The following IQGAP1 variants were observed in gnomAD, a reference collection of about 807,000 sequenced individuals.
The protein encoded by IQGAP1 is IQ motif containing GTPase activating protein 1, also known as ras GTPase-activating-like protein IQGAP1.
Under a neutral mutation model 215.6 loss-of-function variants are expected in IQGAP1, and 66 were observed. The observed-to-expected ratio is 0.31, with a 90% CI of 0.25 to 0.38. The LOEUF (loss-of-function observed/expected upper bound fraction) is 0.38, where lower values mean the gene tolerates loss of function less well. IQGAP1 is among the 10% of genes least tolerant of loss of function. The probability of loss-of-function intolerance (pLI) is 1.00; values close to 1 mark genes in which losing one functional copy is unlikely to be tolerated. For synonymous variants in IQGAP1, 772 were observed against 728.7 expected (o/e 1.06, Z -0.96); for missense variants, 1,712 against 1,997.1 (o/e 0.86, Z 2.72).
chr15:90,487,097 T>G lies in IQGAP1; in HGVS notation c.4160+8T>G. 4 of 1,613,770 alleles carry G rather than the reference T, an allele frequency of 2.5e-6. No homozygotes were observed. Among genetic ancestry groups the G allele is most frequent in the Non-Finnish European group, 3.4e-6 (4 of 1,179,840 alleles). ...TCGAACCATCTTACTGAAGTGAGTA[T>G]CAAAAGAAGGAAGAATGAAATGAAT... On this transcript the variant is annotated splice_region_variant and intron_variant, in intron 32 of 37. Transcript: ENST00000268182.
intron 11 of IQGAP1, among the ~76,000 whole-genome samples, chr15:90,451,243 G>T (rs1248550883): frequency 6.6e-6 from 1 of 152,040 alleles, no homozygotes; most frequent in African/African-American, 2.4e-5. Flanking sequence ...CCCATTTTAC[G>T]TGGCTATAAA....
chr15:90,486,288 A>T (rs559570839), intron 31 of IQGAP1, 156 bp downstream of exon 31: 9 of 550,148 alleles, frequency 1.6e-5, no homozygotes, highest in African/African-American at 1.5e-4. Flanking sequence ...GAGAGAAAAC[A>T]ACAACAACAA....
At chr15:90,456,109 T>G (rs1965675804) in intron 14 of IQGAP1, 43 bp from the exon 15 acceptor site, 1 of 1,548,402 alleles carries the variant, frequency 6.5e-7, no homozygotes, top group South Asian at 1.1e-5. Flanking sequence ...TTTATGTACT[T>G]CCTTAATTAG....
intron 5 of IQGAP1, among the ~76,000 whole-genome samples, chr15:90,436,840 A>G (rs1362968189): frequency 2.0e-5 from 3 of 152,224 alleles, no homozygotes; most frequent in Admixed American, 2.0e-4. Flanking sequence ...TAATAATTAA[A>G]GAGAGTTAAA....
At chr15:90,444,084 A>ATT (rs1177273970) in intron 9 of IQGAP1, among the ~76,000 whole-genome samples, 2 of 151,786 alleles carry the variant, frequency 1.3e-5, no homozygotes, top group African/African-American at 2.4e-5. Flanking sequence ...ATATTTTTCT[A>ATT]TTTTTTTAAA....
chr15:90,417,070 T>C (rs1386585354), intron 2 of IQGAP1, among the ~76,000 whole-genome samples: 1 of 152,242 alleles, frequency 6.6e-6, no homozygotes, highest in Non-Finnish European at 1.5e-5. Context: ...TTGTTTCTTT[T>C]AAATTTGTTT....
intron 2 of IQGAP1, among the ~76,000 whole-genome samples, chr15:90,397,623 T>C (rs888257795): frequency 6.6e-6 from 1 of 150,844 alleles, no homozygotes; most frequent in Non-Finnish European, 1.5e-5. Flanking sequence ...TTCTCACCAT[T>C]CTCCTGCCTC....
chr15:90,402,922 A>G (rs1325826743), intron 2 of IQGAP1, among the ~76,000 whole-genome samples: 1 of 152,242 alleles, frequency 6.6e-6, no homozygotes, highest in African/African-American at 2.4e-5. Context: ...GATGACCTTT[A>G]AAACAGCTAA....
chr15:90,491,312 A>G, intron 33 of IQGAP1, 21 bp from the exon 34 acceptor site: 1 of 1,606,464 alleles, frequency 6.2e-7, no homozygotes, highest in Non-Finnish European at 8.5e-7. Context: ...CTTGCTAAGA[A>G]CTTCTTTTTC....
chr15:90,399,225 A>G (rs914456189), intron 2 of IQGAP1, among the ~76,000 whole-genome samples: 7 of 151,980 alleles, frequency 4.6e-5, no homozygotes, highest in Admixed American at 1.3e-4. Context: ...GTGCTGGGAT[A>G]CAGGCGTGAG....
chr15:90,404,294 T>C (rs537920776), intron 2 of IQGAP1, among the ~76,000 whole-genome samples: 1 of 152,326 alleles, frequency 6.6e-6, no homozygotes, highest in African/African-American at 2.4e-5. Context: ...AGAAGGCTGT[T>C]TCCGCTTTAA....
chr15:90,491,473 A>T lies in IQGAP1; in HGVS notation c.4389A>T (p.Leu1463Phe). The T allele has an allele frequency of 6.2e-7, 1 of 1,614,214 alleles. No homozygotes were observed. The highest frequency in any genetic ancestry group is 2.2e-5 in the East Asian group (1 of 44,888). Residue 1463 changes from leucine to phenylalanine, a missense_variant, in exon 34 of 38, where the codon TTA becomes TTT. By Grantham distance (22) the Leu-to-Phe change is conservative. Coordinates refer to ENST00000268182, the MANE Select transcript of IQGAP1 (RefSeq NM_003870.4). ...AGAAAGAGAAGATCCAGACAGGTTT[A>T]AAGAAGCTAACAGAGCTTGGAACCG... ...QEKKEKIQTG[L>F]KKLTELGTVD... is the part of the protein sequence containing the mutation.
intron 33 of IQGAP1, among the ~76,000 whole-genome samples, chr15:90,489,823 T>C (rs947304789): frequency 1.1e-4 from 17 of 152,246 alleles, no homozygotes; most frequent in African/African-American, 3.9e-4. Flanking sequence ...CCAGTCTTTA[T>C]TGAGAACCTA....
chr15:90,439,945 C>G (rs765953752), intron 6 of IQGAP1, among the ~76,000 whole-genome samples: 2 of 152,170 alleles, frequency 1.3e-5, no homozygotes, highest in Admixed American at 6.5e-5. Flanking sequence ...AAGATAGATT[C>G]AAGTCTTTCA....
intron 18 of IQGAP1, among the ~76,000 whole-genome samples, chr15:90,468,994 C>T (rs1393323365): frequency 2.0e-5 from 3 of 152,152 alleles, no homozygotes; most frequent in Non-Finnish European, 4.4e-5. Flanking sequence ...TACTTGGATT[C>T]GAATTTTAGT....
chr15:90,492,113 G>T (rs1296428856), intron 34 of IQGAP1, among the ~76,000 whole-genome samples: 1 of 152,142 alleles, frequency 6.6e-6, no homozygotes, highest in African/African-American at 2.4e-5. Context: ...AATGGGGGAA[G>T]AAAATTTGAG....
At chr15:90,424,085 TG>T (rs1965186781) in intron 2 of IQGAP1, among the ~76,000 whole-genome samples, 1 of 152,108 alleles carries the variant, frequency 6.6e-6, no homozygotes, top group Non-Finnish European at 1.5e-5. Flanking sequence ...AGGCTGAGGT[TG>T]TTAGGTTTTC....
chr15:90,408,170 C>A (rs1332064724), intron 2 of IQGAP1, among the ~76,000 whole-genome samples: 1 of 152,140 alleles, frequency 6.6e-6, no homozygotes, highest in Non-Finnish European at 1.5e-5. Context: ...CCCAATGGCA[C>A]CTCTCACCAC....
intron 2 of IQGAP1, among the ~76,000 whole-genome samples, chr15:90,416,173 C>T (rs1303957395): frequency 6.6e-5 from 10 of 152,088 alleles, no homozygotes; most frequent in Non-Finnish European, 1.5e-4. Flanking sequence ...CTCCCGCCTC[C>T]CCCTACCCCA....
Sources: gnomAD v4.1 joint callset for allele counts (sites outside exome capture counted in the v4.1 genomes callset) on GRCh38, gnomAD v4.1.1 for gene constraint, MANE v1.5 for transcripts, NCBI Gene and HGNC (gene_info 2026-07-23, HGNC 2026-07-21) for gene names.